NSL1: variants seen among roughly 807,000 people sequenced by gnomAD.
NSL1 encodes NSL1 component of MIS12 kinetochore complex.
Under a neutral mutation model 25.4 loss-of-function variants are expected in NSL1, and 11 were observed. The ratio of observed to expected loss-of-function variants is 0.43; its 90% CI spans 0.27 to 0.72. The LOEUF (loss-of-function observed/expected upper bound fraction) is 0.72, where lower values mean the gene tolerates loss of function less well. NSL1 is among the 30% of genes least tolerant of loss of function. NSL1 has a pLI of 0.19. For synonymous variants in NSL1, 118 were observed against 120.6 expected (o/e 0.98, Z 0.14); for missense variants, 330 against 342.7 (o/e 0.96, Z 0.29).
At chr1:212,781,050 C>T (rs985193265) in intron 4 of NSL1, among the ~76,000 whole-genome samples, 2 of 152,166 alleles carry the variant, frequency 1.3e-5, no homozygotes, top group African/African-American at 4.8e-5. Flanking sequence ...TAATTTTGCT[C>T]TCCTTAAGGA....
chr1:212,776,745 AAC>A (rs1491408452), intron 4 of NSL1, among the ~76,000 whole-genome samples: 29 of 151,884 alleles, frequency 1.9e-4, no homozygotes, highest in African/African-American at 4.3e-4. Context: ...CAACAAAAAA[AAC>A]CAACAACAAC....
intron 4 of NSL1, among the ~76,000 whole-genome samples, chr1:212,778,408 C>CCT (rs895202872): frequency 1.3e-5 from 2 of 152,204 alleles, no homozygotes; most frequent in African/African-American, 4.8e-5. Context: ...TCTCCTCTCT[C>CCT]CTCTCTCTCC....
At position 212,774,100 on chromosome 1, in the gene NSL1, G is replaced by A. The variant is rs542246285; in HGVS notation, c.499+8272C>T. On this transcript the variant is annotated intron_variant, in intron 4 of 5. Coordinates refer to ENST00000366977, the MANE Select transcript of NSL1 (RefSeq NM_015471.4). ...GAGGATGCAGAGAAGTTAGTTGGGGGTGGGGCAGGGGTTTAAAAAAGAATT... is the reference window on the plus strand; with the variant it reads ...GAGGATGCAGAGAAGTTAGTTGGGGATGGGGCAGGGGTTTAAAAAAGAATT... Among the ~76,000 whole-genome samples, 9 of 152,166 alleles carry A rather than the reference G, an allele frequency of 5.9e-5. No homozygotes were observed. The South Asian group carries it at 1.7e-3, about 28-fold the overall frequency.
intron 2 of NSL1, among the ~76,000 whole-genome samples, chr1:212,784,971 A>G (rs1354243296): frequency 6.6e-6 from 1 of 152,248 alleles, no homozygotes; most frequent in Admixed American, 6.5e-5. Context: ...CATTTTAGGC[A>G]GTGGAAACAG....
Position 212,736,021 on chromosome 1 carries a change from A to G in NSL1, c.*2387T>C. 2 of 985,330 alleles carry G rather than the reference A, an allele frequency of 2.0e-6. No homozygotes were observed. Among genetic ancestry groups the G allele is most frequent in the Non-Finnish European group, 2.4e-6 (2 of 829,900 alleles). The allele number at this position is 985,330 out of a possible 1,614,324, so 61.0% of individuals were successfully genotyped here. Reference sequence around the variant, plus strand: ...AGTGTTCTCTCTTCTTTGGGACTAGACTTAACCTTCTTGTGTTCTTCTTAT... The same window carrying G: ...AGTGTTCTCTCTTCTTTGGGACTAGGCTTAACCTTCTTGTGTTCTTCTTAT... On this transcript the variant is annotated 3_prime_UTR_variant, in exon 6 of 6. Coordinates refer to ENST00000366977, the MANE Select transcript of NSL1 (RefSeq NM_015471.4).
rs1211826245 is a variant in NSL1, at chr1:212,732,858, AT to A, written c.*5549del. 6.6e-6 allele frequency among the ~76,000 whole-genome samples: 1 copy of A among 152,182 alleles called. No homozygotes were observed. Among genetic ancestry groups the A allele is most frequent in the African/African-American group, 2.4e-5 (1 of 41,442 alleles). On this transcript the variant is annotated 3_prime_UTR_variant, in exon 6 of 6. Transcript: ENST00000366977. ...CACTTGATTATTAGTTTGACTGTGT[AT>A]AAAAGCCTAGGTTGTATATCATTTA...
At chr1:212,766,976 T>C (rs1476177611) in intron 4 of NSL1, among the ~76,000 whole-genome samples, 3 of 152,216 alleles carry the variant, frequency 2.0e-5, no homozygotes, top group African/African-American at 7.2e-5. Context: ...CCCATGTTCA[T>C]GGATGGGTAG....
chr1:212,784,626 G>T, intron 2 of NSL1, 133 bp from the exon 3 acceptor site: 1 of 499,462 alleles, frequency 2.0e-6, no homozygotes, highest in Non-Finnish European at 3.5e-6. Flanking sequence ...GCAAGTTAAT[G>T]AATGCCCCCA....
intron 4 of NSL1, among the ~76,000 whole-genome samples, chr1:212,754,694 T>C (rs1571881917): frequency 7.0e-6 from 1 of 143,400 alleles, no homozygotes; most frequent in African/African-American, 2.6e-5. Context: ...GGAGAATCAC[T>C]TGAACCCAGG....
chr1:212,740,312 A>G (rs2102429808), intron 4 of NSL1, among the ~76,000 whole-genome samples: 1 of 152,294 alleles, frequency 6.6e-6, no homozygotes, highest in East Asian at 1.9e-4. Flanking sequence ...ACCCAGGCAA[A>G]ATATTTCTTT....
chr1:212,738,533 T>C lies in NSL1; in HGVS notation c.721A>G (p.Thr241Ala), dbSNP rs1658341744. Reference protein sequence around the residue: ...KPENFITQIETTPTETASRKT... With the variant: ...KPENFITQIEATPTETASRKT... ...CTGGAAGCAGTCTCTGTTGGTGTGG[T>C]TTCTATCTGTGTTATAAAGTTCTCA... Residue 241 changes from threonine to alanine, a missense_variant, in exon 6 of 6, where the codon ACC (threonine) becomes GCC (alanine). Thr to Ala is a moderately conservative substitution (Grantham distance 58). Transcript: ENST00000366977. 6.2e-7 allele frequency: 1 copy of C among 1,614,168 alleles called. No individual in the cohort carries two copies. The highest frequency in any genetic ancestry group is 1.3e-5 in the African/African-American group (1 of 75,036).
chr1:212,737,739 G>A lies in NSL1; in HGVS notation c.*669C>T. On this transcript the variant is annotated 3_prime_UTR_variant, in exon 6 of 6. Transcript: ENST00000366977. ...ATGTTAATGGTCTATAGAAAAAAGTGAGTGTGGGCAGGAAACATTGGCTAC... is the reference window on the plus strand; with the variant it reads ...ATGTTAATGGTCTATAGAAAAAAGTAAGTGTGGGCAGGAAACATTGGCTAC... The A allele has an allele frequency of 2.0e-6, 2 of 983,524 alleles. No homozygotes were observed. Among genetic ancestry groups the A allele is most frequent in the Non-Finnish European group, 2.4e-6 (2 of 828,220 alleles). 60.9% of individuals were successfully genotyped at this position (983,524 alleles called of 1,614,324 possible). A position where few individuals can be genotyped will look rare whatever the true frequency, so the allele number is the denominator to read the frequency against.
intron 4 of NSL1, among the ~76,000 whole-genome samples, chr1:212,759,475 C>T (rs1659458552): frequency 6.6e-6 from 1 of 152,118 alleles, no homozygotes; most frequent in Non-Finnish European, 1.5e-5. Context: ...CTGCAGAATC[C>T]TGCAGTACTA....
chr1:212,773,839 T>A (rs1274849060), intron 4 of NSL1, among the ~76,000 whole-genome samples: 1 of 151,788 alleles, frequency 6.6e-6, no homozygotes. Flanking sequence ...ATATACACAA[T>A]GGAATACTAT....
At position 212,738,348 on chromosome 1, in the gene NSL1, A is replaced by G; in HGVS notation, c.*60T>C. ...ATGAAGTCTTATCTAGGTATTAATT[A>G]GGCTGTAATCTAAATGTTGATGGTG... On this transcript the variant is annotated 3_prime_UTR_variant, in exon 6 of 6. Coordinates refer to ENST00000366977, the MANE Select transcript of NSL1 (RefSeq NM_015471.4). 6.5e-7 allele frequency: 1 copy of G among 1,545,024 alleles called. No individual in the cohort carries two copies. The highest frequency in any genetic ancestry group is 2.1e-5 in the Admixed American group (1 of 47,942).
At chr1:212,783,857 G>T (rs979206107) in intron 3 of NSL1, among the ~76,000 whole-genome samples, 1 of 152,120 alleles carries the variant, frequency 6.6e-6, no homozygotes, top group Admixed American at 6.5e-5. Context: ...TCCTGGTCTT[G>T]TCACCCAGAT....
chr1:212,747,928 C>T (rs1233706343), intron 4 of NSL1, among the ~76,000 whole-genome samples: 1 of 152,032 alleles, frequency 6.6e-6, no homozygotes, highest in Non-Finnish European at 1.5e-5. Flanking sequence ...CCAGGCCTGG[C>T]TAATTTTTGC....
chr1:212,729,909 G>A lies in NSL1; in HGVS notation c.*8499C>T. The A allele has an allele frequency of 2.0e-6, 2 of 985,346 alleles. No homozygotes were observed. The highest frequency in any genetic ancestry group is 2.4e-6 in the Non-Finnish European group (2 of 829,908). 61.0% of individuals were successfully genotyped at this position (985,346 alleles called of 1,614,324 possible). The stretch of plus-strand genomic sequence containing the variant: ...AGGACCCTGAGGGGGCAGGTAACCA[G>A]AAGCTGCCTTGTGGAGGAACTAAAC... On this transcript the variant is annotated 3_prime_UTR_variant, in exon 6 of 6. Transcript: ENST00000366977.
intron 4 of NSL1, among the ~76,000 whole-genome samples, chr1:212,754,345 T>C (rs1659199853): frequency 1.3e-5 from 2 of 152,080 alleles, no homozygotes; most frequent in South Asian, 4.1e-4. Flanking sequence ...TAAGCAGAAG[T>C]AGCCAGGAAT....
Sources: gnomAD v4.1 joint callset for allele counts (sites outside exome capture counted in the v4.1 genomes callset) on GRCh38, gnomAD v4.1.1 for gene constraint, MANE v1.5 for transcripts, NCBI Gene and HGNC (gene_info 2026-07-23, HGNC 2026-07-21) for gene names.